The following BCAS1 variants were observed in gnomAD, a reference collection of about 807,000 sequenced individuals.
BCAS1 encodes brain enriched myelin associated protein 1.
A neutral mutation model predicts 65.4 loss-of-function variants in BCAS1; 46 were observed. That is an observed-to-expected ratio of 0.70 (90% CI 0.55 to 0.90). The LOEUF (loss-of-function observed/expected upper bound fraction) is 0.90. BCAS1 is among the 40% of genes least tolerant of loss of function. BCAS1 has a pLI of 0.00. For synonymous variants in BCAS1, 298 were observed against 293.5 expected, an observed-to-expected ratio of 1.02 and a Z score of -0.16; for missense variants, 793 against 771.2, an observed-to-expected ratio of 1.03 and a Z score of -0.33.
chr20:53,946,637 T>C (rs903201296), intron 12 of BCAS1, among the ~76,000 whole-genome samples: 2 of 150,850 alleles, frequency 1.3e-5, no homozygotes, highest in African/African-American at 4.9e-5. Flanking sequence ...TATAGGGTAG[T>C]GTATATTTTA....
intron 4 of BCAS1, among the ~76,000 whole-genome samples, chr20:54,010,519 G>T (rs1413943945): frequency 6.6e-6 from 1 of 152,024 alleles, no homozygotes; most frequent in East Asian, 1.9e-4. Context: ...AAATACTAAG[G>T]TTTACATCTC....
chr20:53,957,010 C>A (rs1008654720), intron 11 of BCAS1, among the ~76,000 whole-genome samples: 13 of 152,170 alleles, frequency 8.5e-5, no homozygotes, highest in African/African-American at 2.9e-4. Context: ...AAGAAGGAGA[C>A]TTCTTGCTCC....
chr20:54,065,642 G>A (rs914388022), intron 1 of BCAS1, among the ~76,000 whole-genome samples: 20 of 152,242 alleles, frequency 1.3e-4, no homozygotes, highest in African/African-American at 4.8e-4. Flanking sequence ...TTCTCCTCGT[G>A]TTTGTAGCCA....
intron 4 of BCAS1, among the ~76,000 whole-genome samples, chr20:54,011,840 G>A (rs208645): frequency 0.18 from 27,537 of 152,182 alleles, 2,584 homozygotes; most frequent in South Asian, 0.26. Flanking sequence ...CTGGGCAACA[G>A]AGCAAGATCC....
chr20:54,026,003 A>G (rs1454016086), intron 4 of BCAS1, among the ~76,000 whole-genome samples: 3 of 152,194 alleles, frequency 2.0e-5, no homozygotes, highest in Non-Finnish European at 4.4e-5. Context: ...GCTATTTCAT[A>G]ACTTTTCTGT....
chr20:53,948,167 C>T (rs2089392725), intron 12 of BCAS1, among the ~76,000 whole-genome samples: 1 of 152,132 alleles, frequency 6.6e-6, no homozygotes, highest in South Asian at 2.1e-4. Flanking sequence ...GATCCTGGTT[C>T]ACCCAGGCTC....
intron 7 of BCAS1, among the ~76,000 whole-genome samples, chr20:53,989,432 A>G (rs1267169853): frequency 1.3e-5 from 2 of 152,240 alleles, no homozygotes; most frequent in Admixed American, 6.5e-5. Flanking sequence ...TAAGACCAAG[A>G]AAGTCTTGGT....
chr20:54,026,063 A>G (rs2091666438), intron 4 of BCAS1, among the ~76,000 whole-genome samples: 1 of 152,204 alleles, frequency 6.6e-6, no homozygotes, highest in African/African-American at 2.4e-5. Flanking sequence ...TCAAATTTCA[A>G]TATCACTGAA....
chr20:53,963,099 C>T (rs966875782), intron 10 of BCAS1, among the ~76,000 whole-genome samples: 2 of 151,856 alleles, frequency 1.3e-5, no homozygotes, highest in Non-Finnish European at 2.9e-5. Context: ...ATCCACCCGC[C>T]TCGGCCTCCC....
intron 1 of BCAS1, among the ~76,000 whole-genome samples, chr20:54,065,117 T>TATCTATCTATC: frequency 1.0e-5 from 1 of 99,430 alleles, no homozygotes; most frequent in Non-Finnish European, 2.1e-5. Flanking sequence ...ATCTATCATC[T>TATCTATCTATC]ATCTATCTAT....
chr20:53,993,382 A>T (rs1333794970), intron 6 of BCAS1, among the ~76,000 whole-genome samples: 1 of 152,262 alleles, frequency 6.6e-6, no homozygotes, highest in African/African-American at 2.4e-5. Flanking sequence ...TAGAAAAGAT[A>T]TCAAAATTGC....
At chr20:53,969,061 C>T (rs1302292106) in intron 9 of BCAS1, among the ~76,000 whole-genome samples, 1 of 152,182 alleles carries the variant, frequency 6.6e-6, no homozygotes, top group Non-Finnish European at 1.5e-5. Flanking sequence ...GAAATATAGG[C>T]AATCTAACTC....
At chr20:53,971,801 C>T (rs529748252) in intron 9 of BCAS1, among the ~76,000 whole-genome samples, 1 of 152,252 alleles carries the variant, frequency 6.6e-6, no homozygotes, top group South Asian at 2.1e-4. Context: ...AACAGAAGTA[C>T]CTGTTTCCAT....
At chr20:54,053,556 T>C (rs577769805) in intron 3 of BCAS1, among the ~76,000 whole-genome samples, 10 of 152,358 alleles carry the variant, frequency 6.6e-5, no homozygotes, top group Non-Finnish European at 1.2e-4. Context: ...GCAGAAATAA[T>C]ACAGTTAACT....
intron 3 of BCAS1, among the ~76,000 whole-genome samples, chr20:54,043,566 C>T (rs1301933326): frequency 6.6e-6 from 1 of 152,092 alleles, no homozygotes; most frequent in Non-Finnish European, 1.5e-5. Context: ...CTGTGTGGAG[C>T]CCTATAAACA....
Position 53,981,106 on chromosome 20 carries a change from T to TA in BCAS1, c.1275+4180dup, listed in dbSNP as rs2090465851. Among the ~76,000 whole-genome samples, 6 of 152,360 alleles carry TA rather than the reference T, an allele frequency of 3.9e-5. No individual in the cohort carries two copies. In the South Asian group the frequency reaches 1.2e-3, roughly 32 times the overall value. ...GCAAATTCAATTCTTAAGGTTTCTT[T>TA]AAAAGACTTTCATATGGTAACACTT... On this transcript the variant is annotated intron_variant, in intron 8 of 12. Transcript: ENST00000688948.
chr20:53,950,439 G>A (rs937948204), intron 12 of BCAS1, among the ~76,000 whole-genome samples: 2 of 149,406 alleles, frequency 1.3e-5, no homozygotes, highest in African/African-American at 2.5e-5. Context: ...AGCACACCCC[G>A]CCCCCAGACA....
intron 3 of BCAS1, among the ~76,000 whole-genome samples, chr20:54,053,222 T>C (rs535153158): frequency 1.4e-4 from 22 of 152,350 alleles, no homozygotes; most frequent in Admixed American, 1.2e-3. Flanking sequence ...ATTTTGATTT[T>C]TTAATATATT....
rs183208973 is a variant in BCAS1, at chr20:53,961,071, C to G, written c.1486-3574G>C. 2.6e-5 allele frequency among the ~76,000 whole-genome samples: 4 copies of G among 152,276 alleles called. No homozygotes were observed. In the East Asian group the frequency reaches 5.8e-4, roughly 22 times the overall value. On this transcript the variant is annotated intron_variant, in intron 10 of 12. Coordinates refer to ENST00000688948, the MANE Select transcript of BCAS1 (RefSeq NM_001366298.2). ...AGATGGAATCTACTTGTGGCATTCA[C>G]GCCTTGTATATTAATGAAATCATTT...
Sources: allele counts gnomAD v4.1 joint callset (sites outside exome capture counted in the v4.1 genomes callset), GRCh38; gene constraint gnomAD v4.1.1; transcripts MANE v1.5; gene names NCBI Gene and HGNC (gene_info 2026-07-23, HGNC 2026-07-21).